CHRM3: variants seen among roughly 807,000 people sequenced by gnomAD.
The protein encoded by CHRM3 is muscarinic acetylcholine receptor M3.
A neutral mutation model predicts 41.8 loss-of-function variants in CHRM3; 11 were observed. The ratio of observed to expected loss-of-function variants is 0.26; its 90% CI spans 0.17 to 0.44. The LOEUF (loss-of-function observed/expected upper bound fraction) is 0.44. CHRM3 is among the 20% of genes least tolerant of loss of function. The pLI is 1.00. For missense variants in CHRM3, 571 were observed against 745.4 expected (o/e 0.77, Z 2.72); for synonymous variants, 297 against 301.4 (o/e 0.99, Z 0.15).
intron 1 of CHRM3, among the ~76,000 whole-genome samples, chr1:239,425,728 T>C (rs1572253660): frequency 6.6e-6 from 1 of 152,304 alleles, no homozygotes; most frequent in East Asian, 1.9e-4. Flanking sequence ...CTCTAAATGA[T>C]CATCAGGTTC....
At chr1:239,502,476 T>A (rs1047250182) in intron 2 of CHRM3, among the ~76,000 whole-genome samples, 1 of 152,036 alleles carries the variant, frequency 6.6e-6, no homozygotes, top group Non-Finnish European at 1.5e-5. Flanking sequence ...CAGGACCAGA[T>A]GGATTCACTG....
rs1668177902 is a variant in CHRM3, at chr1:239,500,686, A to G, written c.-422+7879A>G. 2.6e-5 allele frequency among the ~76,000 whole-genome samples: 4 copies of G among 151,384 alleles called. 1 individual carries two copies. The highest frequency in any genetic ancestry group is 2.0e-4 in the Admixed American group (3 of 15,158). Reference sequence around the variant, plus strand: ...GACACAGAACTTATAAAACAAAAATACATGTTAAAAAGAAAAAAAAACACA... The same window carrying G: ...GACACAGAACTTATAAAACAAAAATGCATGTTAAAAAGAAAAAAAAACACA... On this transcript the variant is annotated intron_variant, in intron 2 of 6. Coordinates refer to ENST00000676153, the MANE Select transcript of CHRM3 (RefSeq NM_001375978.1).
intron 1 of CHRM3, among the ~76,000 whole-genome samples, chr1:239,415,655 A>G (rs559890138): frequency 6.6e-6 from 1 of 152,260 alleles, no homozygotes; most frequent in African/African-American, 2.4e-5. Context: ...GCTGTGGCTC[A>G]ACCAAGATAA....
chr1:239,730,246 C>T (rs1027246259), intron 5 of CHRM3, among the ~76,000 whole-genome samples: 10 of 151,916 alleles, frequency 6.6e-5, no homozygotes, highest in Admixed American at 2.0e-4. Flanking sequence ...AACAAAACTG[C>T]TTTGGTATAC....
At chr1:239,470,840 CA>C (rs1666066731) in intron 1 of CHRM3, among the ~76,000 whole-genome samples, 1 of 152,118 alleles carries the variant, frequency 6.6e-6, no homozygotes, top group Admixed American at 6.5e-5. Context: ...TGCACCTTCC[CA>C]ATAAAGTGTC....
At chr1:239,820,484 A>G (rs557669354) in intron 5 of CHRM3, among the ~76,000 whole-genome samples, 1 of 152,258 alleles carries the variant, frequency 6.6e-6, no homozygotes, top group Admixed American at 6.5e-5. Context: ...TGGAAAAAGG[A>G]CCAGAGGTTA....
intron 1 of CHRM3, among the ~76,000 whole-genome samples, chr1:239,432,579 G>T (rs1362913708): frequency 1.3e-5 from 2 of 152,048 alleles, no homozygotes; most frequent in Admixed American, 1.3e-4. Context: ...ATTTGTAAGT[G>T]CTGTGCTAGG....
At chr1:239,561,632 A>G (rs1660867779) in intron 3 of CHRM3, among the ~76,000 whole-genome samples, 1 of 151,826 alleles carries the variant, frequency 6.6e-6, no homozygotes, top group African/African-American at 2.4e-5. Context: ...AATAGATACT[A>G]TCAATATCTA....
In CHRM3 at chr1:239,907,665, G is replaced by T. The variant is rs764345192; in HGVS notation, c.214G>T (p.Ala72Ser). 28 of 1,614,146 alleles carry T rather than the reference G, an allele frequency of 1.7e-5. No individual in the cohort carries two copies. The highest frequency in any genetic ancestry group is 2.1e-5 in the Non-Finnish European group (25 of 1,180,026). Reference sequence around the variant, plus strand: ...TACCGTCTGGCAAGTGGTCTTCATCGCTTTCTTAACGGGCATCCTGGCCTT... The same window carrying T: ...TACCGTCTGGCAAGTGGTCTTCATCTCTTTCTTAACGGGCATCCTGGCCTT... ...GHTVWQVVFIAFLTGILALVT... is the reference protein window; with the variant it reads ...GHTVWQVVFISFLTGILALVT... Residue 72 changes from alanine (A) to serine (S), a missense_variant, in exon 7 of 7, where the codon GCT becomes TCT. Around this residue, in one of 5 missense-constraint regions of CHRM3, gnomAD observed 153 missense variants for 296.3 expected, o/e 0.52. Coordinates refer to ENST00000676153, the MANE Select transcript of CHRM3 (RefSeq NM_001375978.1). The surrounding 1 kb of genome is among the most constrained non-coding windows in gnomAD (Gnocchi z 5.4).
chr1:239,753,367 TCA>T (rs1353611274), intron 5 of CHRM3, among the ~76,000 whole-genome samples: 1 of 152,122 alleles, frequency 6.6e-6, no homozygotes, highest in East Asian at 1.9e-4. Flanking sequence ...CTTAATTGAC[TCA>T]CAGTTCCACA....
rs367766853 is a variant in CHRM3, at chr1:239,859,819, T to TTTTATATA, written c.-20+32442_-20+32443insTTATATAT. Among the ~76,000 whole-genome samples, 61 of 131,408 alleles carry TTTTATATA rather than the reference T, an allele frequency of 4.6e-4. No homozygotes were observed. In the East Asian group the frequency reaches 7.2e-3, roughly 16 times the overall value. The allele number at this position is 131,408 out of a possible 152,430, so 86.2% of individuals were successfully genotyped here. On this transcript the variant is annotated intron_variant, in intron 6 of 6. Coordinates refer to ENST00000676153, the MANE Select transcript of CHRM3 (RefSeq NM_001375978.1). The stretch of plus-strand genomic sequence containing the variant: ...AAATTATATATAAGTTCTAAGTGTT[T>TTTTATATA]TATATATATATATATATATATATAT...
intron 6 of CHRM3, among the ~76,000 whole-genome samples, chr1:239,876,836 A>G (rs929050826): frequency 2.6e-5 from 4 of 152,184 alleles, no homozygotes; most frequent in Admixed American, 1.3e-4. Context: ...CTCAGCACTC[A>G]CTTCATGACC....
rs189155914 is a variant in CHRM3, at chr1:239,897,524, A to G, written c.-19-9909A>G. Reference sequence around the variant, plus strand: ...TTAAAAGCACTGTTCTTTATCCTCCACTATAAAGGCACAGTATTAAAAACA... The same window carrying G: ...TTAAAAGCACTGTTCTTTATCCTCCGCTATAAAGGCACAGTATTAAAAACA... On this transcript the variant is annotated intron_variant, in intron 6 of 6. Coordinates refer to ENST00000676153, the MANE Select transcript of CHRM3 (RefSeq NM_001375978.1). 4.1e-3 allele frequency among the ~76,000 whole-genome samples: 628 copies of G among 152,300 alleles called. 5 individuals are homozygous for G. The highest frequency in any genetic ancestry group is 5.2e-3 in the Non-Finnish European group (354 of 68,020).
intron 5 of CHRM3, among the ~76,000 whole-genome samples, chr1:239,700,621 G>A (rs1660595541): frequency 6.6e-6 from 1 of 152,060 alleles, no homozygotes; most frequent in Admixed American, 6.6e-5. Flanking sequence ...ATGCCTTTAA[G>A]TCCCACTGGC....
chr1:239,549,428 T>C (rs1008776568), intron 3 of CHRM3, among the ~76,000 whole-genome samples: 1 of 149,884 alleles, frequency 6.7e-6, no homozygotes, highest in South Asian at 2.1e-4. Context: ...GATGGTCAGA[T>C]CACTTGAGGT....
At chr1:239,809,212 G>T (rs1315508023) in intron 5 of CHRM3, among the ~76,000 whole-genome samples, 1 of 151,792 alleles carries the variant, frequency 6.6e-6, no homozygotes, top group East Asian at 2.0e-4. Flanking sequence ...AGTAGAGAAG[G>T]GGTTTCACCA....
At chr1:239,807,480 A>G (rs1670747143) in intron 5 of CHRM3, among the ~76,000 whole-genome samples, 1 of 152,208 alleles carries the variant, frequency 6.6e-6, no homozygotes, top group African/African-American at 2.4e-5. Flanking sequence ...TACAGGGGGA[A>G]TGAAAGGAGG....
chr1:239,842,533 C>A (rs567374924), intron 6 of CHRM3, among the ~76,000 whole-genome samples: 13 of 152,268 alleles, frequency 8.5e-5, no homozygotes, highest in Admixed American at 3.9e-4. Context: ...CCGTGCCCAG[C>A]AGCCCTTCTT....
At chr1:239,823,136 A>G (rs1672185744) in intron 5 of CHRM3, among the ~76,000 whole-genome samples, 1 of 152,192 alleles carries the variant, frequency 6.6e-6, no homozygotes, top group East Asian at 1.9e-4. Context: ...ATAAGCTCTA[A>G]CATTTGTGCA....
Sources: gnomAD v4.1 joint callset for allele counts (sites outside exome capture counted in the v4.1 genomes callset) on GRCh38, gnomAD v4.1.1 for gene constraint, gnomAD v4.1.1 regional missense constraint, Gnocchi (gnomAD v3.1) non-coding constraint, MANE v1.5 for transcripts, NCBI Gene and HGNC (gene_info 2026-07-23, HGNC 2026-07-21) for gene names.